Variants in KLHL18 observed in about 807,000 individuals in gnomAD.
KLHL18 encodes kelch like family member 18, also known as kelch-like protein 18.
Under a neutral mutation model 58.5 loss-of-function variants are expected in KLHL18, and 38 were observed. The ratio of observed to expected loss-of-function variants is 0.65; its 90% CI spans 0.50 to 0.85. The LOEUF (loss-of-function observed/expected upper bound fraction) is 0.85. Among genes scored for constraint, KLHL18 ranks in the 40% least tolerant of loss-of-function variants. The probability of loss-of-function intolerance (pLI) is 0.00; values close to 1 mark genes in which losing one functional copy is unlikely to be tolerated. For synonymous variants in KLHL18, 303 were observed against 301.9 expected (o/e 1.00, Z -0.04); for missense variants, 624 against 778.4 (o/e 0.80, Z 2.36).
In KLHL18 at chr3:47,334,788, T is replaced by TA. The variant is rs1491503601; in HGVS notation, c.868dup (p.Ile290AsnfsTer12). The TA allele has an allele frequency of 1.9e-6, 3 of 1,614,084 alleles. No individual in the cohort carries two copies. The highest frequency in any genetic ancestry group is 2.5e-6 in the Non-Finnish European group (3 of 1,179,972). ...GCTGCTGCACATCCATCGCTGGACT[T>TA]ATCTACGCTGTAGGGGGCCTCAACT... On this transcript the variant is annotated frameshift_variant, in exon 6 of 10. Coordinates refer to ENST00000232766, the MANE Select transcript of KLHL18 (RefSeq NM_025010.5). LOFTEE classifies it high-confidence loss of function. The surrounding 1 kb of genome is among the most constrained non-coding windows in gnomAD (Gnocchi z 4.7).
intron 1 of KLHL18, among the ~76,000 whole-genome samples, chr3:47,301,485 T>C (rs1399674839): frequency 6.6e-6 from 1 of 152,214 alleles, no homozygotes; most frequent in African/African-American, 2.4e-5. Context: ...AGAAACTCTT[T>C]TCTCCATCTA....
chr3:47,300,405 G>A (rs1702997355), intron 1 of KLHL18, among the ~76,000 whole-genome samples: 2 of 18,896 alleles, frequency 1.1e-4, no homozygotes, highest in Admixed American at 2.5e-3. Context: ...GTGTGTGTGT[G>A]TGTGTATATA....
intron 4 of KLHL18, among the ~76,000 whole-genome samples, chr3:47,330,534 A>G (rs1384669531): frequency 6.6e-6 from 1 of 152,068 alleles, no homozygotes; most frequent in African/African-American, 2.4e-5. Flanking sequence ...TACTGTCCTT[A>G]AGTGAGTTCA....
At chr3:47,299,996 G>A (rs188041381) in intron 1 of KLHL18, among the ~76,000 whole-genome samples, 18 of 151,706 alleles carry the variant, frequency 1.2e-4, no homozygotes, top group Admixed American at 1.1e-3. Flanking sequence ...GCTAGCCTCC[G>A]CAATTGCATG....
chr3:47,299,629 C>A (rs1010980413), intron 1 of KLHL18, among the ~76,000 whole-genome samples: 1 of 151,954 alleles, frequency 6.6e-6, no homozygotes, highest in East Asian at 1.9e-4. Flanking sequence ...GAGTTTGAGA[C>A]CAGCACAGGC....
At chr3:47,295,435 T>A (rs1702875407) in intron 1 of KLHL18, among the ~76,000 whole-genome samples, 2 of 152,228 alleles carry the variant, frequency 1.3e-5, no homozygotes, top group South Asian at 4.1e-4. Context: ...TGCTCTAGTG[T>A]TCCTTTGGCT....
intron 1 of KLHL18, among the ~76,000 whole-genome samples, chr3:47,303,050 C>T (rs1304461462): frequency 1.3e-5 from 2 of 152,208 alleles, no homozygotes; most frequent in Admixed American, 1.3e-4. Context: ...CACCCCTCAC[C>T]TTTTTGCCAT....
In KLHL18 at chr3:47,343,835, C is replaced by T; in HGVS notation, c.1619C>T (p.Ser540Leu). 2 of 1,614,222 alleles carry T rather than the reference C, an allele frequency of 1.2e-6. No individual in the cohort carries two copies. The highest frequency in any genetic ancestry group is 1.7e-6 in the Non-Finnish European group (2 of 1,180,042). The part of the protein sequence containing the change: ...GGYDGQSNLS[S>L]VEMYDPETDC... ...TACGACGGACAGTCAAACCTAAGCT[C>T]AGTGGAGATGTATGACCCAGAGACA... The change falls in exon 10 of 10, where the codon TCA (serine) becomes TTA (leucine). Residue 540 changes from serine (S) to leucine (L), a missense_variant. By Grantham distance (145) the Ser-to-Leu change is moderately radical (BLOSUM62 -2). Transcript: ENST00000232766.
chr3:47,309,617 C>T (rs575896934), intron 1 of KLHL18, among the ~76,000 whole-genome samples: 6 of 152,368 alleles, frequency 3.9e-5, no homozygotes, highest in Admixed American at 3.9e-4. Context: ...GCAGAGGCTG[C>T]AATCTCGGCA....
chr3:47,343,789 C>T lies in KLHL18; in HGVS notation c.1573C>T (p.Arg525Cys), dbSNP rs762451424. The T allele has an allele frequency of 1.5e-5, 25 of 1,614,086 alleles. No individual in the cohort carries two copies. The East Asian group carries it at 3.3e-4, about 22-fold the overall frequency. The change falls in exon 10 of 10, where the codon CGC (arginine) becomes TGC (cysteine). Residue 525 changes from arginine (R) to cysteine (C), a missense_variant. Transcript: ENST00000232766. ...SRVSLVASCG[R>C]LYAVGGYDGQ... ...GGTCTCCCTGGTGGCCAGCTGTGGG[C>T]GCCTCTACGCTGTTGGGGGCTACGA...
In KLHL18 at chr3:47,344,509, G is replaced by A. The variant is rs1219676661; in HGVS notation, c.*568G>A. 1 of 153,570 alleles carries A rather than the reference G, an allele frequency of 6.5e-6. No individual in the cohort carries two copies. The highest frequency in any genetic ancestry group is 2.4e-5 in the African/African-American group (1 of 41,446). The allele number at this position is 153,570 out of a possible 1,614,324, so 9.5% of individuals were successfully genotyped here. A position where few individuals can be genotyped will look rare whatever the true frequency, so the allele number is the denominator to read the frequency against. On this transcript the variant is annotated 3_prime_UTR_variant, in exon 10 of 10. Coordinates refer to ENST00000232766, the MANE Select transcript of KLHL18 (RefSeq NM_025010.5). ...CCAAGGATTCTGTCCTCATTGCTGG[G>A]TAAGCAGGGAGAAGAGAAGTTTTCC...
intron 1 of KLHL18, among the ~76,000 whole-genome samples, chr3:47,316,081 A>T (rs1455656160): frequency 6.6e-6 from 1 of 152,180 alleles, no homozygotes; most frequent in East Asian, 1.9e-4. Flanking sequence ...TGACTAATAG[A>T]AATTTCTGAG....
intron 1 of KLHL18, among the ~76,000 whole-genome samples, chr3:47,289,863 A>G (rs1368635042): frequency 2.6e-5 from 4 of 152,204 alleles, no homozygotes; most frequent in Non-Finnish European, 5.9e-5. Context: ...AGAGTGTGGA[A>G]TGAATGGAGA....
chr3:47,330,784 G>A (rs1354577569), intron 4 of KLHL18, among the ~76,000 whole-genome samples: 1 of 152,148 alleles, frequency 6.6e-6, no homozygotes, highest in African/African-American at 2.4e-5. Flanking sequence ...AAGCTGGAGT[G>A]CAGTGGTGCG....
chr3:47,322,694 A>G lies in KLHL18; in HGVS notation c.387A>G (p.Thr129=), dbSNP rs761836313. Residue 129 remains threonine (T), a synonymous_variant, in exon 3 of 10, where the codon ACA becomes ACG. Transcript: ENST00000232766. ...AGAGCATCAAAGACGCCTGCTGCAC[A>G]TTCCTTCGAGAACGGTGAGGTGATG... ...QLQSIKDACC[T]FLRERLHPKN... is the part of the protein sequence containing the mutation. 5.0e-6 allele frequency: 8 copies of G among 1,590,552 alleles called. No individual in the cohort carries two copies. Among genetic ancestry groups the G allele is most frequent in the Non-Finnish European group, 6.8e-6 (8 of 1,168,966 alleles).
chr3:47,315,766 T>C (rs751751308), intron 1 of KLHL18, among the ~76,000 whole-genome samples: 1 of 147,420 alleles, frequency 6.8e-6, no homozygotes, highest in Non-Finnish European at 1.5e-5. Flanking sequence ...AGAGAAAATA[T>C]CTCAGGAAAC....
intron 1 of KLHL18, among the ~76,000 whole-genome samples, chr3:47,294,792 G>A (rs1336874870): frequency 1.3e-5 from 2 of 152,198 alleles, no homozygotes; most frequent in African/African-American, 4.8e-5. Flanking sequence ...GTAATAGAAA[G>A]TTAGGATGCA....
intron 1 of KLHL18, among the ~76,000 whole-genome samples, chr3:47,309,672 T>G (rs1215337077): frequency 2.0e-5 from 3 of 151,696 alleles, no homozygotes; most frequent in Admixed American, 6.6e-5. Flanking sequence ...AGGTTGTAGC[T>G]AGCCGAGATC....
intron 1 of KLHL18, among the ~76,000 whole-genome samples, chr3:47,285,631 C>T (rs1011363981): frequency 2.6e-5 from 4 of 151,852 alleles, no homozygotes; most frequent in Non-Finnish European, 5.9e-5. Context: ...TCAAAAAGGG[C>T]GTGGCAGCGT....
Sources: gnomAD v4.1 joint callset for allele counts (sites outside exome capture counted in the v4.1 genomes callset) on GRCh38, gnomAD v4.1.1 for gene constraint, Gnocchi (gnomAD v3.1) non-coding constraint, MANE v1.5 for transcripts, NCBI Gene and HGNC (gene_info 2026-07-23, HGNC 2026-07-21) for gene names.